Variants in PLXNA4 observed in about 807,000 individuals in gnomAD.
The protein encoded by PLXNA4 is plexin A4, also known as plexin-A4.
In PLXNA4, 44 loss-of-function variants were observed where a neutral mutation model predicts 191.8. That is an observed-to-expected ratio of 0.23 (90% CI 0.18 to 0.29). The LOEUF is 0.29. Among genes scored for constraint, PLXNA4 ranks in the 10% least tolerant of loss-of-function variants. PLXNA4 has a pLI of 1.00. For synonymous variants in PLXNA4, 1,082 were observed against 1,009.5 expected (o/e 1.07, Z -1.36); for missense variants, 1,800 against 2,488.8 (o/e 0.72, Z 5.89).
intron 4 of PLXNA4, among the ~76,000 whole-genome samples, chr7:132,286,641 T>C (rs1424443511): frequency 1.3e-5 from 2 of 152,088 alleles, no homozygotes; most frequent in Non-Finnish European, 2.9e-5. Context: ...AGAAGGAAAA[T>C]GAGCCAGTTT....
intron 3 of PLXNA4, among the ~76,000 whole-genome samples, chr7:132,426,603 C>A (rs768584322): frequency 2.0e-5 from 3 of 152,160 alleles, no homozygotes; most frequent in Non-Finnish European, 4.4e-5. Flanking sequence ...TCCTGGGAGG[C>A]ACATTCTTCA....
chr7:132,456,262 C>T (rs1293990689), intron 3 of PLXNA4, among the ~76,000 whole-genome samples: 1 of 152,054 alleles, frequency 6.6e-6, no homozygotes, highest in Non-Finnish European at 1.5e-5. Flanking sequence ...CAGGTGCCCA[C>T]CACCATGCCT....
chr7:132,539,037 C>A (rs1371585118), intron 1 of PLXNA4, among the ~76,000 whole-genome samples: 1 of 152,212 alleles, frequency 6.6e-6, no homozygotes, highest in Non-Finnish European at 1.5e-5. Flanking sequence ...CAGCCCCTGC[C>A]TGTTTCCCTG....
intron 3 of PLXNA4, among the ~76,000 whole-genome samples, chr7:132,443,356 G>A (rs1193020482): frequency 1.3e-5 from 2 of 152,202 alleles, no homozygotes; most frequent in Non-Finnish European, 2.9e-5. Context: ...AGCCTTCAGA[G>A]AGAGCAGTCG....
intron 4 of PLXNA4, among the ~76,000 whole-genome samples, chr7:132,295,059 C>T (rs1234428025): frequency 6.6e-6 from 1 of 152,234 alleles, no homozygotes; most frequent in African/African-American, 2.4e-5. Flanking sequence ...AGATTACTGA[C>T]ATGCAGGAAG....
chr7:132,468,928 A>G (rs1467709286), intron 3 of PLXNA4, among the ~76,000 whole-genome samples: 1 of 152,046 alleles, frequency 6.6e-6, no homozygotes, highest in Non-Finnish European at 1.5e-5. Context: ...GCACTGAGAA[A>G]ATGCCCACTC....
rs1261798834 is a variant in PLXNA4 at position 132,187,474 on chromosome 7, T to C, written c.2990A>G (p.His997Arg). 25 of 1,613,242 alleles carry C rather than the reference T, an allele frequency of 1.5e-5. No homozygotes were observed. Among genetic ancestry groups the C allele is most frequent in the Non-Finnish European group, 2.0e-5 (24 of 1,179,552 alleles). The stretch of plus-strand genomic sequence containing the variant: ...AGAAAGGGGCCCTCTGAGTTACCTG[T>C]GGAAGAGACAGGGCTGCTTTCCAAA... ...VMFGKQPCLFHRRSPSYIVCN... is the reference protein window; with the variant it reads ...VMFGKQPCLFRRRSPSYIVCN... Residue 997 changes from histidine (H) to arginine (R), a missense_variant, in exon 15 of 32, where the codon CAC becomes CGC. His to Arg is a conservative substitution (Grantham distance 29). Around this residue, in one of 6 missense-constraint regions of PLXNA4, gnomAD observed 1,397 missense variants for 1,880.4 expected, o/e 0.74. Transcript: ENST00000321063.
At chr7:132,316,092 C>T (rs1233990427) in intron 3 of PLXNA4, among the ~76,000 whole-genome samples, 1 of 152,194 alleles carries the variant, frequency 6.6e-6, no homozygotes, top group East Asian at 1.9e-4. Context: ...ACTTTTTCAA[C>T]TTGGAAAAAC....
chr7:132,195,863 C>T (rs1196233007), intron 13 of PLXNA4, among the ~76,000 whole-genome samples: 1 of 152,124 alleles, frequency 6.6e-6, no homozygotes, highest in African/African-American at 2.4e-5. Context: ...ATGTCTTTTG[C>T]CACACTAAAG....
intron 1 of PLXNA4, among the ~76,000 whole-genome samples, chr7:132,518,583 TAG>T (rs1470163006): frequency 1.3e-5 from 2 of 152,192 alleles, no homozygotes; most frequent in East Asian, 1.9e-4. Context: ...GGCACTGATG[TAG>T]AGTCTTGGCG....
chr7:132,189,672 A>G (rs1301721887), intron 14 of PLXNA4, among the ~76,000 whole-genome samples: 1 of 152,216 alleles, frequency 6.6e-6, no homozygotes, highest in East Asian at 1.9e-4. Flanking sequence ...TAGGGCCCAA[A>G]GAGTGCACCT....
At chr7:132,546,937 A>T (rs1251895330) in intron 1 of PLXNA4, among the ~76,000 whole-genome samples, 1 of 152,198 alleles carries the variant, frequency 6.6e-6, no homozygotes, top group Non-Finnish European at 1.5e-5. Flanking sequence ...TCAAATGCCA[A>T]ACTGGCCCAT....
In PLXNA4 at chr7:132,254,780, G is replaced by A. The variant is rs527246841; in HGVS notation, c.1504-13614C>T. ...AAGGGGTGAGTGGTGGTGGTGGTAC[G>A]GATAATGCATCCATTTCACATTTTG... On this transcript the variant is annotated intron_variant, in intron 4 of 31. Coordinates refer to ENST00000321063, the MANE Select transcript of PLXNA4 (RefSeq NM_020911.2). Among the ~76,000 whole-genome samples, 109 of 152,276 alleles carry A rather than the reference G, an allele frequency of 7.2e-4. 1 individual carries two copies. The highest frequency in any genetic ancestry group is 7.6e-4 in the Non-Finnish European group (52 of 68,030).
chr7:132,390,421 G>T (rs536835077), intron 3 of PLXNA4, among the ~76,000 whole-genome samples: 53 of 152,174 alleles, frequency 3.5e-4, no homozygotes, highest in South Asian at 1.0e-3. Flanking sequence ...CTGTCGGGGG[G>T]TCGGGGGCTA....
intron 3 of PLXNA4, among the ~76,000 whole-genome samples, chr7:132,345,043 A>AAATG (rs1254595695): frequency 6.6e-6 from 1 of 152,096 alleles, no homozygotes; most frequent in Non-Finnish European, 1.5e-5. Flanking sequence ...GATGTCGGTG[A>AAATG]AATGAATGAA....
intron 3 of PLXNA4, among the ~76,000 whole-genome samples, chr7:132,406,451 C>G (rs1794222623): frequency 6.6e-6 from 1 of 152,126 alleles, no homozygotes; most frequent in Non-Finnish European, 1.5e-5. Flanking sequence ...TGTTGTTCAC[C>G]TTTAACTCTC....
chr7:132,148,325 C>G (rs1264286208), intron 26 of PLXNA4, among the ~76,000 whole-genome samples: 1 of 152,186 alleles, frequency 6.6e-6, no homozygotes, highest in Non-Finnish European at 1.5e-5. Flanking sequence ...GGACTCTGCC[C>G]ATGCCCTGCA....
At chr7:132,359,166 A>G (rs1176458609) in intron 3 of PLXNA4, among the ~76,000 whole-genome samples, 6 of 126,160 alleles carry the variant, frequency 4.8e-5, no homozygotes, top group African/African-American at 1.8e-4. Flanking sequence ...TTGTTTTTTT[A>G]TGTTCAGCCC....
At chr7:132,181,677 C>A in intron 17 of PLXNA4, 57 bp from the exon 18 acceptor site, 1 of 1,593,544 alleles carries the variant, frequency 6.3e-7, no homozygotes, top group South Asian at 1.1e-5. Flanking sequence ...CCCACAGCCC[C>A]AGTGCACATA....
Sources: gnomAD v4.1 joint callset for allele counts (sites outside exome capture counted in the v4.1 genomes callset) on GRCh38, gnomAD v4.1.1 for gene constraint, gnomAD v4.1.1 regional missense constraint, MANE v1.5 for transcripts, NCBI Gene and HGNC (gene_info 2026-07-23, HGNC 2026-07-21) for gene names.